ZBBX: variants seen among roughly 807,000 people sequenced by gnomAD.
ZBBX encodes the protein zinc finger B-box domain containing, also known as zinc finger B-box domain-containing protein 1.
ZBBX carries 101 observed loss-of-function variants against 108.5 expected under a neutral mutation model. The observed-to-expected ratio is 0.93, with a 90% CI of 0.79 to 1.10. The LOEUF is 1.10. ZBBX is among the 50% of genes least tolerant of loss of function. ZBBX has a pLI of 0.00. For missense variants in ZBBX, 1,009 were observed against 941.4 expected (o/e 1.07, Z -0.94); for synonymous variants, 356 against 323.4 (o/e 1.10, Z -1.08).
rs1159898671 is a variant in ZBBX at position 167,372,951 on chromosome 3, C to A, written c.-49-1G>T. 2.1e-6 allele frequency: 3 copies of A among 1,413,232 alleles called. No homozygotes were observed. 87.5% of individuals were successfully genotyped at this position (1,413,232 alleles called of 1,614,324 possible). ...AAGTTATTCTGATTTGTAAACACTTCTGTAAAAGTAACAAAGACAAAAGAA... is the reference window on the plus strand; with the variant it reads ...AAGTTATTCTGATTTGTAAACACTTATGTAAAAGTAACAAAGACAAAAGAA... On this transcript the variant is annotated splice_acceptor_variant, in intron 3 of 21. Coordinates refer to ENST00000675490, the MANE Select transcript of ZBBX (RefSeq NM_001199201.2). LOFTEE classifies it low-confidence loss of function (5UTR_SPLICE).
rs1009213266 is a variant in ZBBX, at chr3:167,322,313, A to G, written c.863-76T>C. ...TACTATATCTTCTCTTAAGATGTAG[A>G]ACTCATCATTTTTGGGGCATATATG... On this transcript the variant is annotated intron_variant, in intron 11 of 21. Coordinates refer to ENST00000675490, the MANE Select transcript of ZBBX (RefSeq NM_001199201.2). The G allele has an allele frequency of 1.4e-5, 18 of 1,249,510 alleles. No individual in the cohort carries two copies. The East Asian group carries it at 5.2e-4, about 36-fold the overall frequency. 77.4% of individuals were successfully genotyped at this position (1,249,510 alleles called of 1,614,324 possible). A position where few individuals can be genotyped will look rare whatever the true frequency, so the allele number is the denominator to read the frequency against.
At chr3:167,263,668 AGAG>A (rs1724972844) in intron 20 of ZBBX, among the ~76,000 whole-genome samples, 1 of 152,200 alleles carries the variant, frequency 6.6e-6, no homozygotes, top group Non-Finnish European at 1.5e-5. Context: ...ATCCATGTGC[AGAG>A]GAGAAGAATA....
chr3:167,402,135 T>G (rs1748443374), intron 1 of ZBBX, among the ~76,000 whole-genome samples: 1 of 152,156 alleles, frequency 6.6e-6, no homozygotes, highest in South Asian at 2.1e-4. Context: ...AGTAATAGTT[T>G]GCTCAACGCA....
chr3:167,350,683 G>A (rs1742490424), intron 8 of ZBBX, among the ~76,000 whole-genome samples, 168 bp from the exon 9 acceptor site: 1 of 151,276 alleles, frequency 6.6e-6, no homozygotes, highest in Non-Finnish European at 1.5e-5. Context: ...TCCCTTAACT[G>A]GGACTAGTTG....
At chr3:167,297,563 T>C (rs1162865100) in intron 18 of ZBBX, among the ~76,000 whole-genome samples, 2 of 151,650 alleles carry the variant, frequency 1.3e-5, no homozygotes, top group Admixed American at 1.3e-4. Context: ...AAAAACTGCA[T>C]CCAAAGACAC....
intron 1 of ZBBX, among the ~76,000 whole-genome samples, chr3:167,393,666 G>A (rs772044729): frequency 3.2e-4 from 48 of 151,916 alleles, no homozygotes; most frequent in Non-Finnish European, 1.9e-4. Context: ...AGTTGTTTGC[G>A]TTTCACTGAA....
At chr3:167,214,932 CA>C in the ZBBX span, among the ~76,000 whole-genome samples, 5 of 151,908 alleles carry the variant, frequency 3.3e-5, no homozygotes, top group Non-Finnish European at 7.4e-5. Context: ...AAAAGTTTTT[CA>C]AAAATAATGA....
At chr3:167,252,471 G>T (rs1465961287) in intron 20 of ZBBX, among the ~76,000 whole-genome samples, 1 of 151,948 alleles carries the variant, frequency 6.6e-6, no homozygotes, top group Non-Finnish European at 1.5e-5. Flanking sequence ...TTATGTCACT[G>T]TAGCACTTGT....
intron 20 of ZBBX, among the ~76,000 whole-genome samples, chr3:167,261,933 C>T (rs1166751873): frequency 6.6e-6 from 1 of 152,088 alleles, no homozygotes; most frequent in Non-Finnish European, 1.5e-5. Flanking sequence ...ATTTGCTTAT[C>T]ACTGTGTAGT....
At chr3:167,376,715 G>A (rs1237052403) in intron 2 of ZBBX, among the ~76,000 whole-genome samples, 4 of 152,046 alleles carry the variant, frequency 2.6e-5, no homozygotes. Flanking sequence ...ATTCAAGGGG[G>A]ATTTCACTTC....
At chr3:167,252,813 G>A (rs1371264191) in intron 20 of ZBBX, among the ~76,000 whole-genome samples, 4 of 147,836 alleles carry the variant, frequency 2.7e-5, no homozygotes, top group South Asian at 2.2e-4. Flanking sequence ...TTTAAAAATG[G>A]AAAAGCTGGA....
At chr3:167,236,400 T>TA (rs1252196935), downstream of ZBBX, among the ~76,000 whole-genome samples, 1 of 151,762 alleles carries the variant, frequency 6.6e-6, no homozygotes, top group Admixed American at 6.6e-5. Context: ...CATAAGCTCA[T>TA]AAAAAGTGAT....
chr3:167,365,738 C>A, intron 6 of ZBBX, 148 bp downstream of exon 6: 1 of 457,428 alleles, frequency 2.2e-6, no homozygotes, highest in East Asian at 3.6e-5. Flanking sequence ...TTGCATATTA[C>A]CCTGCAAAAT....
At chr3:167,327,436 C>T (rs973383700) in intron 11 of ZBBX, among the ~76,000 whole-genome samples, 2 of 152,136 alleles carry the variant, frequency 1.3e-5, no homozygotes, top group Admixed American at 1.3e-4. Flanking sequence ...GCAAATCCCC[C>T]TAGTGCCCAA....
chr3:167,296,294 C>T (rs1159030263), intron 18 of ZBBX, among the ~76,000 whole-genome samples: 4 of 152,040 alleles, frequency 2.6e-5, no homozygotes, highest in Non-Finnish European at 5.9e-5. Context: ...CAGCAAACAT[C>T]AAACTCAATG....
intron 9 of ZBBX, among the ~76,000 whole-genome samples, chr3:167,336,736 G>C: frequency 6.6e-6 from 1 of 152,056 alleles, no homozygotes; most frequent in Middle Eastern, 3.2e-3. Flanking sequence ...TAACAGATTT[G>C]AACATTGTTC....
At chr3:167,227,677 T>C in the ZBBX span, among the ~76,000 whole-genome samples, 3 of 151,714 alleles carry the variant, frequency 2.0e-5, no homozygotes, top group African/African-American at 7.3e-5. Flanking sequence ...TTTACAGGAT[T>C]CACAAACCCC....
chr3:167,244,841 G>A (rs1560016188), intron 20 of ZBBX, among the ~76,000 whole-genome samples: 1 of 151,984 alleles, frequency 6.6e-6, no homozygotes, highest in Non-Finnish European at 1.5e-5. Context: ...GATCATTGAG[G>A]AATCTCTTTA....
chr3:167,260,559 G>A (rs1724320687), intron 20 of ZBBX, among the ~76,000 whole-genome samples: 2 of 152,074 alleles, frequency 1.3e-5, no homozygotes, highest in East Asian at 3.9e-4. Flanking sequence ...TTGTTGGATT[G>A]GGTTAATTTA....
Sources: allele counts gnomAD v4.1 joint callset (sites outside exome capture counted in the v4.1 genomes callset), GRCh38; gene constraint gnomAD v4.1.1; transcripts MANE v1.5; gene names NCBI Gene and HGNC (gene_info 2026-07-23, HGNC 2026-07-21).